ATXN7: variants seen among roughly 807,000 people sequenced by gnomAD.
The protein encoded by ATXN7 is ataxin 7, also known as ataxin-7.
A neutral mutation model predicts 70.5 loss-of-function variants in ATXN7; 12 were observed. The ratio of observed to expected loss-of-function variants is 0.17; its 90% CI spans 0.11 to 0.28. ATXN7 has a LOEUF of 0.28. ATXN7 is among the 10% of genes least tolerant of loss of function. The probability of loss-of-function intolerance (pLI) is 1.00; values close to 1 mark genes in which losing one functional copy is unlikely to be tolerated. For missense variants in ATXN7, 1,256 were observed against 1,131.7 expected (o/e 1.11, Z -1.58); for synonymous variants, 498 against 448.7 (o/e 1.11, Z -1.39).
intron 4 of ATXN7, among the ~76,000 whole-genome samples, chr3:63,945,986 C>G (rs2107374240): frequency 6.6e-6 from 1 of 152,292 alleles, no homozygotes; most frequent in African/African-American, 2.4e-5. Context: ...CCAAGCTGTT[C>G]AAGGCTGGTG....
At chr3:63,937,564 T>G (rs905901444) in intron 4 of ATXN7, among the ~76,000 whole-genome samples, 1 of 152,230 alleles carries the variant, frequency 6.6e-6, no homozygotes, top group Admixed American at 6.5e-5. Flanking sequence ...CATACACAAG[T>G]GTCTTAAAGT....
At chr3:63,951,476 A>G (rs1260963424) in intron 4 of ATXN7, among the ~76,000 whole-genome samples, 1 of 152,218 alleles carries the variant, frequency 6.6e-6, no homozygotes, top group Non-Finnish European at 1.5e-5. Flanking sequence ...GAAGTGTGCT[A>G]ATTATCCATT....
intron 8 of ATXN7, among the ~76,000 whole-genome samples, chr3:63,984,446 T>C (rs2075541637): frequency 6.6e-6 from 1 of 152,178 alleles, no homozygotes; most frequent in Admixed American, 6.5e-5. Flanking sequence ...TGTAGAATTA[T>C]GTCAGTTTCA....
rs573932432 is a variant in ATXN7, at chr3:63,995,805, G to A, written c.1983G>A (p.Ser661=). Residue 661 remains serine (S), a synonymous_variant, in exon 12 of 13, where the codon TCG becomes TCA. Coordinates refer to ENST00000674280, the MANE Select transcript of ATXN7 (RefSeq NM_001377405.1). ...CTTCCACGCCCTCTGGCCTTTCCTC[G>A]GTTCCTTCCTCCCCCATGTCCAGGA... ...SSPSTPSGLS[S]VPSSPMSRKP... 19 of 1,614,140 alleles carry A rather than the reference G, an allele frequency of 1.2e-5. No individual in the cohort carries two copies. Among genetic ancestry groups the A allele is most frequent in the East Asian group, 6.7e-5 (3 of 44,870 alleles).
chr3:63,870,501 T>C (rs919018685), intron 1 of ATXN7, among the ~76,000 whole-genome samples: 5 of 152,244 alleles, frequency 3.3e-5, no homozygotes, highest in African/African-American at 1.2e-4. Flanking sequence ...TTGGATAGGA[T>C]GAAACTTCAG....
At chr3:63,961,301 G>A (rs2075126847) in intron 5 of ATXN7, among the ~76,000 whole-genome samples, 1 of 152,092 alleles carries the variant, frequency 6.6e-6, no homozygotes, top group East Asian at 1.9e-4. Context: ...TTTAAGGACT[G>A]CCTGTTATTC....
rs140769655 is a variant in ATXN7, at chr3:63,941,424, G to C, written c.395-10955G>C. Among the ~76,000 whole-genome samples the C allele has an allele frequency of 3.1e-3, 469 of 152,264 alleles. 5 individuals carry two copies. The highest frequency in any genetic ancestry group is 0.011 in the African/African-American group (450 of 41,544). The stretch of plus-strand genomic sequence containing the variant: ...GTGTGAACCCTATTGTGAACTGCAC[G>C]TGCAAGGTATCTAGGTTGTGTGCTC... On this transcript the variant is annotated intron_variant, in intron 4 of 12. Coordinates refer to ENST00000674280, the MANE Select transcript of ATXN7 (RefSeq NM_001377405.1).
At chr3:63,893,478 G>C (rs1703347882) in intron 1 of ATXN7, among the ~76,000 whole-genome samples, 1 of 152,222 alleles carries the variant, frequency 6.6e-6, no homozygotes, top group African/African-American at 2.4e-5. Flanking sequence ...TGGCAAAAGA[G>C]TGAAGGATGG....
rs986062347 is a variant in ATXN7, at chr3:63,912,693, A to C, written c.95A>C (p.Gln32Pro). The C allele has an allele frequency of 1.5e-5, 17 of 1,128,224 alleles. No homozygotes were observed. The highest frequency in any genetic ancestry group is 1.1e-4 in the South Asian group (3 of 27,566). The allele number at this position is 1,128,224 out of a possible 1,614,324, so 69.9% of individuals were successfully genotyped here. ...GCGGCCGCGGCCGCCCGGCAGCAGC[A>C]GCAGCAGCAGCAGCAGCAGCAGCCG... is the stretch of plus-strand genomic sequence containing the variant. ...GAAAAAARQQ[Q>P]QQQQQQQPPP... Residue 32 changes from glutamine (Q) to proline (P), a missense_variant, in exon 3 of 13, where the codon CAG (glutamine) becomes CCG (proline). Physicochemically the swap from Gln to Pro is moderately conservative, Grantham distance 76. Coordinates refer to ENST00000674280, the MANE Select transcript of ATXN7 (RefSeq NM_001377405.1).
In ATXN7 at chr3:63,988,622, C is replaced by T. The variant is rs78031533; in HGVS notation, c.1361+298C>T. ...GCAGGCAGAAATTGGGTCCTTCCTGCGGGTTAGTGACAGGAACTCTTCACA... is the reference window on the plus strand; with the variant it reads ...GCAGGCAGAAATTGGGTCCTTCCTGTGGGTTAGTGACAGGAACTCTTCACA... On this transcript the variant is annotated intron_variant, in intron 9 of 12. Transcript: ENST00000674280. 1.0e-4 allele frequency: 36 copies of T among 352,914 alleles called. No individual in the cohort carries two copies. The East Asian group carries it at 1.3e-3, about 13-fold the overall frequency. 21.9% of individuals were successfully genotyped at this position (352,914 alleles called of 1,614,324 possible).
chr3:63,944,806 G>T (rs1269131976), intron 4 of ATXN7, among the ~76,000 whole-genome samples: 2 of 151,794 alleles, frequency 1.3e-5, no homozygotes, highest in East Asian at 1.9e-4. Flanking sequence ...TTGTTTGTTT[G>T]TTTGAGACAG....
intron 8 of ATXN7, among the ~76,000 whole-genome samples, chr3:63,986,022 T>G (rs1053271632): frequency 3.9e-5 from 6 of 152,226 alleles, no homozygotes; most frequent in Non-Finnish European, 7.3e-5. Flanking sequence ...AAATGAAGTT[T>G]TTCCAGGGAA....
intron 4 of ATXN7, among the ~76,000 whole-genome samples, chr3:63,933,878 C>T (rs189057405): frequency 6.6e-6 from 1 of 150,910 alleles, no homozygotes. Context: ...CTGTCGTTAC[C>T]TATTGGAGGG....
Position 63,908,117 on chromosome 3 carries a change from C to T in ATXN7, c.-11-4471C>T, listed in dbSNP as rs560590038. Among the ~76,000 whole-genome samples, 113 of 152,216 alleles carry T rather than the reference C, an allele frequency of 7.4e-4. 1 individual carries two copies. In the South Asian group the frequency reaches 0.016, roughly 22 times the overall value. On this transcript the variant is annotated intron_variant, in intron 2 of 12. Coordinates refer to ENST00000674280, the MANE Select transcript of ATXN7 (RefSeq NM_001377405.1). ...GTGTACAGGTTGAGTTTTCAAAAAG[C>T]TATTTATGTCTTATCTTTTAAGTCC...
chr3:63,867,659 G>A (rs527807056), intron 1 of ATXN7, among the ~76,000 whole-genome samples: 6 of 150,854 alleles, frequency 4.0e-5, no homozygotes, highest in Admixed American at 3.3e-4. Context: ...AGGCCGAGGC[G>A]GGTGGATCAT....
chr3:63,866,498 C>G (rs917163131), intron 1 of ATXN7, among the ~76,000 whole-genome samples: 1 of 152,178 alleles, frequency 6.6e-6, no homozygotes. Flanking sequence ...TCAAGCGATC[C>G]TCCCGCCTCA....
chr3:63,966,046 G>A (rs2075216988), intron 5 of ATXN7, among the ~76,000 whole-genome samples: 1 of 152,152 alleles, frequency 6.6e-6, no homozygotes, highest in African/African-American at 2.4e-5. Flanking sequence ...GTTGCAGAAC[G>A]ACTTGATTCT....
At chr3:63,880,972 C>T (rs1243439135) in intron 1 of ATXN7, among the ~76,000 whole-genome samples, 2 of 152,180 alleles carry the variant, frequency 1.3e-5, no homozygotes, top group Non-Finnish European at 2.9e-5. Flanking sequence ...TTCAACCCAA[C>T]CCCTACTACT....
intron 2 of ATXN7, chr3:63,905,013 G>T (rs1261061034): frequency 1.3e-5 from 2 of 151,898 alleles, no homozygotes; most frequent in Admixed American, 1.3e-4. Context: ...TTTTTTTGTT[G>T]TTGTTGTTAA....
Sources: allele counts gnomAD v4.1 joint callset (sites outside exome capture counted in the v4.1 genomes callset), GRCh38; gene constraint gnomAD v4.1.1; transcripts MANE v1.5; gene names NCBI Gene and HGNC (gene_info 2026-07-23, HGNC 2026-07-21).